CFAP47: variants seen among roughly 807,000 people sequenced by gnomAD.
CFAP47 encodes the protein cilia- and flagella-associated protein 47.
A neutral mutation model predicts 148.1 loss-of-function variants in CFAP47; 29 were observed. That is an observed-to-expected ratio of 0.20 (90% confidence interval 0.15 to 0.27). CFAP47 has a LOEUF of 0.27. Ranked by LOEUF, CFAP47 falls within the 10% of genes least tolerant of loss-of-function variation. The pLI, the probability that CFAP47 is intolerant of heterozygous loss-of-function variation, is 1.00. For synonymous variants in CFAP47, 664 were observed against 577.3 expected (o/e 1.15, Z -2.15); for missense variants, 1,872 against 1,697.5 (o/e 1.10, Z -1.81).
At chrX:36,190,778 G>A (rs1230356624) in intron 42 of CFAP47, among the ~76,000 whole-genome samples, 1 of 111,052 alleles carries the variant, frequency 9.0e-6, no homozygotes, top group Non-Finnish European at 1.9e-5. Context: ...GGTTAGAGAG[G>A]GGGAGAGACA....
chrX:36,032,609 G>GA (rs1469787430), intron 23 of CFAP47, among the ~76,000 whole-genome samples: 8 of 110,500 alleles, frequency 7.2e-5, no homozygotes, highest in Admixed American at 6.8e-4. Flanking sequence ...TCCAAAATAG[G>GA]AAAAAAATAG....
intron 42 of CFAP47, among the ~76,000 whole-genome samples, chrX:36,195,809 G>T (rs1555987140): frequency 1.8e-5 from 2 of 111,422 alleles, no homozygotes; most frequent in African/African-American, 6.5e-5. Context: ...AGAGCAAATT[G>T]GTGACACATT....
intron 51 of CFAP47, among the ~76,000 whole-genome samples, chrX:36,297,110 T>C (rs1247940818): frequency 2.7e-5 from 3 of 111,745 alleles, no homozygotes; most frequent in African/African-American, 6.5e-5. Context: ...ATAAGTGATA[T>C]CTGCTCTAAT....
At chrX:35,945,768 G>C (rs1164231360) in intron 3 of CFAP47, among the ~76,000 whole-genome samples, 1 of 109,846 alleles carries the variant, frequency 9.1e-6, no homozygotes, top group African/African-American at 3.3e-5. Context: ...CTTCCTTTTA[G>C]TTTATTTCCC....
intron 27 of CFAP47, among the ~76,000 whole-genome samples, chrX:36,071,090 C>T (rs1467174722): frequency 2.7e-5 from 3 of 112,360 alleles, no homozygotes; most frequent in Non-Finnish European, 3.8e-5. Flanking sequence ...TCAATTAAGC[C>T]GTTTACTTCT....
At chrX:36,358,575 TAG>T (rs1184538189) in intron 60 of CFAP47, among the ~76,000 whole-genome samples, 1 of 111,912 alleles carries the variant, frequency 8.9e-6, no homozygotes, top group Non-Finnish European at 1.9e-5. Flanking sequence ...TAATCTTGAA[TAG>T]AGTCTGAAAT....
At chrX:36,356,160 A>G (rs1275547877) in intron 60 of CFAP47, among the ~76,000 whole-genome samples, 1 of 111,585 alleles carries the variant, frequency 9.0e-6, no homozygotes, top group Admixed American at 9.6e-5. Context: ...TATGGCTCTT[A>G]TTTTACTGCT....
At chrX:36,285,488 T>A in intron 50 of CFAP47, 141 bp from the exon 51 acceptor site, 1 of 390,748 alleles carries the variant, frequency 2.6e-6, no homozygotes, top group Non-Finnish European at 4.6e-6. Flanking sequence ...AAACAGCTTC[T>A]CACCCTTTCT....
At chrX:36,214,479 A>G (rs782790661) in intron 45 of CFAP47, among the ~76,000 whole-genome samples, 1 of 111,314 alleles carries the variant, frequency 9.0e-6, no homozygotes, top group African/African-American at 3.3e-5. Context: ...ATCTTGGCTT[A>G]CTATAACTTT....
intron 22 of CFAP47, among the ~76,000 whole-genome samples, chrX:36,027,027 C>G (rs1438087033): frequency 9.4e-6 from 1 of 106,028 alleles, no homozygotes; most frequent in African/African-American, 3.4e-5. Context: ...TTAGAAACGT[C>G]TCTTTTCTCC....
chrX:36,240,098 C>T, intron 48 of CFAP47, among the ~76,000 whole-genome samples: 1 of 111,452 alleles, frequency 9.0e-6, no homozygotes. Flanking sequence ...AAGAACAAAA[C>T]AACAAAAACA....
intron 45 of CFAP47, among the ~76,000 whole-genome samples, chrX:36,208,731 C>T (rs945326668): frequency 2.7e-5 from 3 of 110,958 alleles, no homozygotes; most frequent in East Asian, 5.7e-4. Flanking sequence ...TTTGGGAGGC[C>T]GAGATGGGTG....
intron 45 of CFAP47, among the ~76,000 whole-genome samples, chrX:36,212,180 C>A (rs1940109548): frequency 8.9e-6 from 1 of 112,022 alleles, no homozygotes; most frequent in South Asian, 3.7e-4. Context: ...TAAGTAAAAA[C>A]AATTTTTGAA....
chrX:36,275,457 T>TGTGTGTG (rs1569306100), intron 49 of CFAP47, among the ~76,000 whole-genome samples: 3 of 108,255 alleles, frequency 2.8e-5, no homozygotes, highest in African/African-American at 6.8e-5. Flanking sequence ...TGTGTGTGTG[T>TGTGTGTG]TTTCCTACAT....
chrX:36,369,749 G>T (rs1366142474), intron 62 of CFAP47, among the ~76,000 whole-genome samples: 2 of 111,474 alleles, frequency 1.8e-5, no homozygotes, highest in African/African-American at 6.5e-5. Flanking sequence ...TATTCCGAGA[G>T]AAGCACGTAG....
At chrX:36,294,126 T>C (rs1233144002) in intron 51 of CFAP47, among the ~76,000 whole-genome samples, 6 of 111,556 alleles carry the variant, frequency 5.4e-5, no homozygotes, top group African/African-American at 2.0e-4. Flanking sequence ...AAGGAACTTA[T>C]ATAGTCACCT....
chrX:36,170,757 A>T (rs1569278998), intron 39 of CFAP47, among the ~76,000 whole-genome samples: 1 of 107,674 alleles, frequency 9.3e-6, no homozygotes, highest in Non-Finnish European at 1.9e-5. Context: ...CAATAAACAT[A>T]CGTGTGCATG....
intron 26 of CFAP47, among the ~76,000 whole-genome samples, chrX:36,047,696 G>A: frequency 8.9e-6 from 1 of 111,956 alleles, no homozygotes. Flanking sequence ...TAAAATTAGT[G>A]TCAGAGTATG....
At chrX:36,211,594 C>A in intron 45 of CFAP47, 1 of 261,791 alleles carries the variant, frequency 3.8e-6, no homozygotes, top group Non-Finnish European at 7.1e-6. Context: ...GATATTGCTG[C>A]ATATCAAGCT....
Sources: gnomAD v4.1 joint callset for allele counts (sites outside exome capture counted in the v4.1 genomes callset) on GRCh38, gnomAD v4.1.1 for gene constraint, MANE v1.5 for transcripts, NCBI Gene and HGNC (gene_info 2026-07-23, HGNC 2026-07-21) for gene names.